SMIM14: variants seen among roughly 807,000 people sequenced by gnomAD.
SMIM14 encodes the protein chromosome 4 open reading frame 34.
A neutral mutation model predicts 12.6 loss-of-function variants in SMIM14; 5 were observed. The observed-to-expected ratio is 0.40, with a 90% confidence interval of 0.21 to 0.83. The LOEUF (loss-of-function observed/expected upper bound fraction) is 0.83, where lower values mean the gene tolerates loss of function less well. Ranked by LOEUF, SMIM14 falls within the 40% of genes least tolerant of loss-of-function variation. SMIM14 has a pLI of 0.37. For synonymous variants in SMIM14, 30 were observed against 40.1 expected (o/e 0.75, Z 0.95); for missense variants, 86 against 119.1 (o/e 0.72, Z 1.29).
intron 1 of SMIM14, among the ~76,000 whole-genome samples, chr4:39,622,877 T>C (rs1715557511): frequency 6.6e-6 from 1 of 152,220 alleles, no homozygotes; most frequent in East Asian, 1.9e-4. Flanking sequence ...AAAAAAATTT[T>C]TGGATGCAGC....
rs193076451 is a variant in SMIM14 at position 39,621,031 on chromosome 4, G to A, written c.-35-15851C>T. 4.1e-4 allele frequency: 63 copies of A among 152,186 alleles called. 1 individual carries two copies. Among genetic ancestry groups the A allele is most frequent in the African/African-American group, 1.5e-3 (63 of 41,516 alleles). The allele number at this position is 152,186 out of a possible 1,614,324, so 9.4% of individuals were successfully genotyped here. A position where few individuals can be genotyped will look rare whatever the true frequency, so the allele number is the denominator to read the frequency against. On this transcript the variant is annotated intron_variant, in intron 1 of 4. Coordinates refer to ENST00000295958, the MANE Select transcript of SMIM14 (RefSeq NM_174921.3). ...AACCTACAGTGTTACAGCTCTTTTA[G>A]AATTTGTCTAGCAGGCTTTCCGGTT...
chr4:39,557,015 ATTT>A (rs1173457845), intron 3 of SMIM14, among the ~76,000 whole-genome samples: 3 of 134,914 alleles, frequency 2.2e-5, no homozygotes, highest in African/African-American at 2.7e-5. Flanking sequence ...GTCTCTAACA[ATTT>A]TTTTTTTTTT....
intron 1 of SMIM14, among the ~76,000 whole-genome samples, chr4:39,605,897 C>T (rs1424048086): frequency 6.6e-6 from 1 of 152,058 alleles, no homozygotes; most frequent in Admixed American, 6.6e-5. Flanking sequence ...TGCACCACGC[C>T]CGGCTACTTT....
At chr4:39,576,519 T>A (rs1208378184) in intron 2 of SMIM14, among the ~76,000 whole-genome samples, 1 of 151,132 alleles carries the variant, frequency 6.6e-6, no homozygotes, top group Non-Finnish European at 1.5e-5. Flanking sequence ...GTTACTTAGC[T>A]GCTGCATGTA....
chr4:39,605,734 T>C (rs1284112376), intron 1 of SMIM14, among the ~76,000 whole-genome samples: 1 of 152,086 alleles, frequency 6.6e-6, no homozygotes, highest in African/African-American at 2.4e-5. Flanking sequence ...AACAATTGTT[T>C]TTTGCTGTTG....
At chr4:39,635,769 ATCCTC>A (rs1474925071) in intron 1 of SMIM14, among the ~76,000 whole-genome samples, 1 of 152,186 alleles carries the variant, frequency 6.6e-6, no homozygotes, top group Non-Finnish European at 1.5e-5. Context: ...GCATGTACTT[ATCCTC>A]TGAAGTTGAG....
rs561424162 is a variant in SMIM14, at chr4:39,556,888, T to C, written c.125-318A>G. Among the ~76,000 whole-genome samples the C allele has an allele frequency of 1.4e-3, 216 of 152,288 alleles. 1 individual carries two copies. Among genetic ancestry groups the C allele is most frequent in the African/African-American group, 5.0e-3 (206 of 41,564 alleles). Reference sequence around the variant, plus strand: ...CTACAGCCTTAACCTTCTATGTTCATGGGATCCTCTCACCTCAGCCTCCTG... The same window carrying C: ...CTACAGCCTTAACCTTCTATGTTCACGGGATCCTCTCACCTCAGCCTCCTG... On this transcript the variant is annotated intron_variant, in intron 3 of 4. Transcript: ENST00000295958.
At chr4:39,637,925 ACT>A (rs764915580) in intron 1 of SMIM14, among the ~76,000 whole-genome samples, 78 of 152,048 alleles carry the variant, frequency 5.1e-4, no homozygotes, top group Non-Finnish European at 9.4e-4. Flanking sequence ...AGCTCATCCG[ACT>A]CTCTCGATGC....
intron 1 of SMIM14, among the ~76,000 whole-genome samples, chr4:39,626,525 G>A (rs1715707695): frequency 6.6e-6 from 1 of 152,190 alleles, no homozygotes; most frequent in South Asian, 2.1e-4. Context: ...TGAAAAGGAT[G>A]TATCTAACAA....
Position 39,551,969 on chromosome 4 carries a change from T to C in SMIM14, c.*157A>G. 1 of 486,936 alleles carries C rather than the reference T, an allele frequency of 2.1e-6. No individual in the cohort carries two copies. The highest frequency in any genetic ancestry group is 3.6e-6 in the Non-Finnish European group (1 of 277,122). The allele number at this position is 486,936 out of a possible 1,614,324, so 30.2% of individuals were successfully genotyped here. A position where few individuals can be genotyped will look rare whatever the true frequency, so the allele number is the denominator to read the frequency against. On this transcript the variant is annotated 3_prime_UTR_variant, in exon 5 of 5. Transcript: ENST00000295958. Reference sequence around the variant, plus strand: ...AGTAACACAGGAAGCAAAAATAAACTTGCAAGTGAAATTTCTAGAAGCTCA... The same window carrying C: ...AGTAACACAGGAAGCAAAAATAAACCTGCAAGTGAAATTTCTAGAAGCTCA...
chr4:39,600,302 G>A (rs1005133785), intron 2 of SMIM14, among the ~76,000 whole-genome samples: 8 of 152,016 alleles, frequency 5.3e-5, no homozygotes, highest in Non-Finnish European at 8.8e-5. Context: ...GCCTCCCAAA[G>A]TGATGAGATT....
intron 2 of SMIM14, among the ~76,000 whole-genome samples, chr4:39,597,815 T>C (rs1323814683): frequency 1.3e-5 from 2 of 152,190 alleles, no homozygotes; most frequent in Non-Finnish European, 2.9e-5. Context: ...TTTCTTCAAC[T>C]ACTTTGCCTG....
intron 1 of SMIM14, among the ~76,000 whole-genome samples, chr4:39,610,494 A>T (rs1231271939): frequency 2.0e-5 from 3 of 151,998 alleles, no homozygotes; most frequent in Non-Finnish European, 4.4e-5. Context: ...AAGCACTGGA[A>T]GCCTGAGCAA....
intron 1 of SMIM14, chr4:39,638,400 C>T: frequency 1.1e-6 from 1 of 905,080 alleles, no homozygotes; most frequent in South Asian, 5.1e-5. Flanking sequence ...CCAGCTACGA[C>T]TCTCTTTTTA....
intron 1 of SMIM14, among the ~76,000 whole-genome samples, chr4:39,629,601 A>G (rs1168297566): frequency 6.6e-6 from 1 of 150,998 alleles, no homozygotes; most frequent in Admixed American, 6.6e-5. Context: ...TGCCACCACA[A>G]TGGCTTCGCT....
intron 2 of SMIM14, among the ~76,000 whole-genome samples, chr4:39,583,418 A>G (rs763123788): frequency 6.6e-6 from 1 of 152,056 alleles, no homozygotes; most frequent in Non-Finnish European, 1.5e-5. Flanking sequence ...ACTGGTTTTA[A>G]GTATTCCGAT....
chr4:39,627,669 T>C (rs750517495), intron 1 of SMIM14, among the ~76,000 whole-genome samples: 1 of 152,196 alleles, frequency 6.6e-6, no homozygotes, highest in African/African-American at 2.4e-5. Flanking sequence ...CTGGAGTGTG[T>C]GTGTTCCACT....
At chr4:39,632,948 T>C (rs560717528) in intron 1 of SMIM14, among the ~76,000 whole-genome samples, 2 of 152,064 alleles carry the variant, frequency 1.3e-5, no homozygotes, top group East Asian at 1.9e-4. Context: ...TATGCAAGTA[T>C]GTATATATAT....
intron 2 of SMIM14, among the ~76,000 whole-genome samples, chr4:39,603,921 G>GA (rs1714709288): frequency 1.3e-5 from 2 of 150,914 alleles, no homozygotes; most frequent in Non-Finnish European, 2.9e-5. Flanking sequence ...TGAGGCAGGA[G>GA]AATCACTTGA....
Sources: gnomAD v4.1 joint callset for allele counts (sites outside exome capture counted in the v4.1 genomes callset) on GRCh38, gnomAD v4.1.1 for gene constraint, MANE v1.5 for transcripts, NCBI Gene and HGNC (gene_info 2026-07-23, HGNC 2026-07-21) for gene names.